FMNL2: variants seen among roughly 807,000 people sequenced by gnomAD.
FMNL2 encodes formin like 2.
FMNL2 carries 51 observed loss-of-function variants against 130.2 expected under a neutral mutation model. That is an observed-to-expected ratio of 0.39 (90% CI 0.31 to 0.49). The LOEUF (loss-of-function observed/expected upper bound fraction) is 0.49, where lower values mean the gene tolerates loss of function less well. Among genes scored for constraint, FMNL2 ranks in the 20% least tolerant of loss-of-function variants. The pLI is 0.85. For missense variants in FMNL2, 977 were observed against 1,316.2 expected (o/e 0.74, Z 3.99); for synonymous variants, 465 against 467.1 (o/e 1.00, Z 0.06).
intron 1 of FMNL2, among the ~76,000 whole-genome samples, chr2:152,517,619 G>C (rs1043629262): frequency 1.3e-5 from 2 of 152,166 alleles, no homozygotes; most frequent in African/African-American, 4.8e-5. Flanking sequence ...AGTTTGCCAG[G>C]TTGAGAGTGG....
intron 22 of FMNL2, 74 bp downstream of exon 22, chr2:152,636,664 T>G: frequency 6.8e-7 from 1 of 1,472,484 alleles, no homozygotes; most frequent in East Asian, 2.5e-5. Context: ...GGCCCTGTAT[T>G]TGGGGAGAAA....
chr2:152,340,765 C>T (rs926966493), intron 1 of FMNL2, among the ~76,000 whole-genome samples: 2 of 152,138 alleles, frequency 1.3e-5, no homozygotes, highest in Non-Finnish European at 2.9e-5. Flanking sequence ...AATATTGGCT[C>T]ACTGCAACCT....
chr2:152,615,134 A>G (rs1279514621), intron 12 of FMNL2, 134 bp downstream of exon 12: 2 of 893,812 alleles, frequency 2.2e-6, no homozygotes, highest in Non-Finnish European at 3.3e-6. Flanking sequence ...AGAGAGAGCT[A>G]TCAGAAGCTG....
intron 9 of FMNL2, among the ~76,000 whole-genome samples, chr2:152,606,034 T>C (rs1002660455): frequency 1.3e-5 from 2 of 152,234 alleles, no homozygotes; most frequent in East Asian, 1.9e-4. Context: ...TTGATGTAGA[T>C]GCTATGTAGT....
At chr2:152,612,103 A>C (rs1471899435) in intron 11 of FMNL2, among the ~76,000 whole-genome samples, 1 of 152,216 alleles carries the variant, frequency 6.6e-6, no homozygotes, top group Non-Finnish European at 1.5e-5. Flanking sequence ...TTGTGGCTTT[A>C]GAAGTTCCAC....
intron 4 of FMNL2, among the ~76,000 whole-genome samples, chr2:152,557,343 T>A (rs1485799132): frequency 6.6e-6 from 1 of 152,172 alleles, no homozygotes; most frequent in Admixed American, 6.5e-5. Context: ...CCGTTGCCAC[T>A]CCAGGTCTCT....
chr2:152,552,474 A>G (rs1189723440), intron 4 of FMNL2, among the ~76,000 whole-genome samples: 9 of 152,300 alleles, frequency 5.9e-5, no homozygotes, highest in South Asian at 4.2e-4. Flanking sequence ...TTGCTTTTCA[A>G]CGTTAAAGAC....
intron 1 of FMNL2, among the ~76,000 whole-genome samples, chr2:152,337,750 G>A (rs889900034): frequency 1.2e-4 from 18 of 152,192 alleles, no homozygotes; most frequent in Non-Finnish European, 2.1e-4. Context: ...GTTACTGGGT[G>A]CAATTCCTTT....
At chr2:152,351,509 T>C (rs1209428469) in intron 1 of FMNL2, among the ~76,000 whole-genome samples, 1 of 152,166 alleles carries the variant, frequency 6.6e-6, no homozygotes, top group Non-Finnish European at 1.5e-5. Flanking sequence ...GCTTCATCCA[T>C]GTCCCTGCAA....
At chr2:152,525,446 T>C (rs1693335016) in intron 2 of FMNL2, among the ~76,000 whole-genome samples, 1 of 152,172 alleles carries the variant, frequency 6.6e-6, no homozygotes, top group Non-Finnish European at 1.5e-5. Context: ...TTATAAAAGC[T>C]TCCTTCTGTG....
chr2:152,642,239 C>T (rs1683157289), intron 25 of FMNL2, among the ~76,000 whole-genome samples: 1 of 152,192 alleles, frequency 6.6e-6, no homozygotes, highest in South Asian at 2.1e-4. Flanking sequence ...CATGCCCAGC[C>T]TGTCTCATTT....
intron 1 of FMNL2, among the ~76,000 whole-genome samples, chr2:152,388,960 A>C (rs1467802867): frequency 3.3e-5 from 5 of 152,204 alleles, no homozygotes; most frequent in Non-Finnish European, 7.3e-5. Flanking sequence ...ATAAAATTTA[A>C]GGTGGCTAGC....
chr2:152,471,182 A>C (rs1689840248), intron 1 of FMNL2, among the ~76,000 whole-genome samples: 1 of 151,584 alleles, frequency 6.6e-6, no homozygotes, highest in African/African-American at 2.4e-5. Context: ...AAAGTCCCGT[A>C]CGCTGTCGTT....
chr2:152,560,005 T>C (rs192959787), intron 5 of FMNL2, among the ~76,000 whole-genome samples: 1 of 152,212 alleles, frequency 6.6e-6, no homozygotes, highest in South Asian at 2.1e-4. Flanking sequence ...AGTTATACTT[T>C]TATAAAAAGT....
In FMNL2 at chr2:152,626,621, G is replaced by C. The variant is rs201523735; in HGVS notation, c.2059G>C (p.Gly687Arg). 139 of 1,612,858 alleles carry C rather than the reference G, an allele frequency of 8.6e-5. 1 individual carries two copies. Among genetic ancestry groups the C allele is most frequent in the Non-Finnish European group, 1.1e-4 (127 of 1,179,546 alleles). The change falls in exon 17 of 26, where the codon GGA (glycine) becomes CGA (arginine). Residue 687 changes from glycine to arginine, a missense_variant. Around this residue, in one of 4 missense-constraint regions of FMNL2, gnomAD observed 689 missense variants for 995.9 expected, o/e 0.69. Transcript: ENST00000288670. ...AAGCAAACAGAAGATACCACAGAAGGGATCAAACAAAGTGACATTACTAGA... is the reference window on the plus strand; with the variant it reads ...AAGCAAACAGAAGATACCACAGAAGCGATCAAACAAAGTGACATTACTAGA... The part of the protein sequence containing the change: ...SSSKQKIPQK[G>R]SNKVTLLEAN...
At chr2:152,393,545 C>A (rs1257185974) in intron 1 of FMNL2, among the ~76,000 whole-genome samples, 1 of 152,150 alleles carries the variant, frequency 6.6e-6, no homozygotes, top group African/African-American at 2.4e-5. Context: ...TTGACTGTCC[C>A]CCTGACAGCA....
chr2:152,445,184 T>C (rs1426141396), intron 1 of FMNL2, among the ~76,000 whole-genome samples: 1 of 152,246 alleles, frequency 6.6e-6, no homozygotes, highest in Non-Finnish European at 1.5e-5. Context: ...CCAGTCTGTG[T>C]TTCACCTGTG....
intron 1 of FMNL2, among the ~76,000 whole-genome samples, chr2:152,368,142 A>ACAT (rs1429180758): frequency 2.0e-5 from 3 of 152,146 alleles, no homozygotes; most frequent in Non-Finnish European, 4.4e-5. Flanking sequence ...GTGATGAGAA[A>ACAT]CATCTGGTCA....
chr2:152,479,675 A>ATG (rs1350317599), intron 1 of FMNL2, among the ~76,000 whole-genome samples: 1 of 150,710 alleles, frequency 6.6e-6, no homozygotes, highest in East Asian at 2.0e-4. Flanking sequence ...GCTTTAAAAT[A>ATG]TATATAACTG....
Sources: gnomAD v4.1 joint callset for allele counts (sites outside exome capture counted in the v4.1 genomes callset) on GRCh38, gnomAD v4.1.1 for gene constraint, gnomAD v4.1.1 regional missense constraint, MANE v1.5 for transcripts, NCBI Gene and HGNC (gene_info 2026-07-23, HGNC 2026-07-21) for gene names.